Variants in PTGES3 observed in about 807,000 individuals in gnomAD.
PTGES3 encodes the protein Hsp90 co-chaperone.
PTGES3 carries 5 observed loss-of-function variants against 29.9 expected under a neutral mutation model. That is an observed-to-expected ratio of 0.17 (90% confidence interval 0.09 to 0.35). The LOEUF (loss-of-function observed/expected upper bound fraction) is 0.35. Among genes scored for constraint, PTGES3 ranks in the 10% least tolerant of loss-of-function variants. The probability of loss-of-function intolerance (pLI) is 1.00; values close to 1 mark genes in which losing one functional copy is unlikely to be tolerated. For synonymous variants in PTGES3, 49 were observed against 57.8 expected (o/e 0.85, Z 0.69); for missense variants, 128 against 190.0 (o/e 0.67, Z 1.92).
intron 5 of PTGES3, 104 bp from the exon 6 acceptor site, chr12:56,666,370 A>AAAAATGC (rs1951787311): frequency 7.4e-7 from 1 of 1,348,440 alleles, no homozygotes; most frequent in Non-Finnish European, 9.8e-7. Flanking sequence ...ACAGATATCA[A>AAAAATGC]AAAATGCAAA....
At chr12:56,676,537 A>G (rs1476637140) in intron 1 of PTGES3, among the ~76,000 whole-genome samples, 5 of 152,156 alleles carry the variant, frequency 3.3e-5, no homozygotes, top group Non-Finnish European at 7.3e-5. Flanking sequence ...GGGGATGTTA[A>G]AAGAAGAATG....
Position 56,684,296 on chromosome 12 carries a change from T to C in PTGES3, c.2+3702A>G, listed in dbSNP as rs755142217. Among the ~76,000 whole-genome samples, 55 of 152,298 alleles carry C rather than the reference T, an allele frequency of 3.6e-4. 1 individual carries two copies. The highest frequency in any genetic ancestry group is 3.4e-3 in the Middle Eastern group (1 of 294). ...ACACTGGCTTGCACTCAAGAAATTT[T>C]TCACTTCCAGTTTCTACTGCCTTCT... On this transcript the variant is annotated intron_variant, in intron 1 of 7. Transcript: ENST00000262033.
chr12:56,672,110 A>AT (rs1309093539), intron 3 of PTGES3, among the ~76,000 whole-genome samples: 1 of 152,012 alleles, frequency 6.6e-6, no homozygotes, highest in Non-Finnish European at 1.5e-5. Context: ...ACCTGGTACC[A>AT]TTTTTTTCTT....
At chr12:56,683,473 C>CAAAAAAAAAAAA (rs71081388) in intron 1 of PTGES3, among the ~76,000 whole-genome samples, 632 of 29,750 alleles carry the variant, frequency 0.021, 160 homozygotes, top group Non-Finnish European at 0.029. Context: ...AACTCTGTCT[C>CAAAAAAAAAAAA]AAAAAAAAAA....
chr12:56,685,387 A>G (rs967095074), intron 1 of PTGES3, among the ~76,000 whole-genome samples: 7 of 126,586 alleles, frequency 5.5e-5, no homozygotes, highest in Admixed American at 2.8e-4. Flanking sequence ...TGAAGGTAGC[A>G]TTTTTTCTTT....
Position 56,688,228 on chromosome 12 carries a change from A to G in PTGES3, c.-229T>C. 3 of 711,150 alleles carry G rather than the reference A, an allele frequency of 4.2e-6. No homozygotes were observed. Among genetic ancestry groups the G allele is most frequent in the Non-Finnish European group, 6.2e-6 (3 of 481,592 alleles). 44.1% of individuals were successfully genotyped at this position (711,150 alleles called of 1,614,324 possible). On this transcript the variant is annotated 5_prime_UTR_variant, in exon 1 of 8. Coordinates refer to ENST00000262033, the MANE Select transcript of PTGES3 (RefSeq NM_006601.7). ...GTCGGGGAGAAGAGGAAAGTGTAGG[A>G]AAAGGGGCGCGAGGACGGAGAATGA...
intron 5 of PTGES3, among the ~76,000 whole-genome samples, chr12:56,668,409 A>C (rs1163377267): frequency 6.6e-6 from 1 of 152,198 alleles, no homozygotes; most frequent in Non-Finnish European, 1.5e-5. Context: ...CTGGACAACA[A>C]AGATAGCAAA....
chr12:56,676,438 T>G (rs1033264297), intron 1 of PTGES3, among the ~76,000 whole-genome samples: 20 of 152,150 alleles, frequency 1.3e-4, no homozygotes, highest in Admixed American at 2.0e-4. Context: ...AATGGAGTCC[T>G]GAGAGTCTAA....
At chr12:56,665,668 G>A (rs1592237076) in intron 6 of PTGES3, 10 of 976,204 alleles carry the variant, frequency 1.0e-5, no homozygotes, top group Non-Finnish European at 1.1e-5. Context: ...TTGAGATGGA[G>A]CCTCGCTCTG....
At chr12:56,667,837 G>A (rs1241553485) in intron 5 of PTGES3, among the ~76,000 whole-genome samples, 2 of 152,244 alleles carry the variant, frequency 1.3e-5, no homozygotes, top group African/African-American at 4.8e-5. Flanking sequence ...GCCAGGTCTG[G>A]TGACTCATGC....
At chr12:56,681,419 T>C (rs996541193) in intron 1 of PTGES3, among the ~76,000 whole-genome samples, 2 of 149,004 alleles carry the variant, frequency 1.3e-5, no homozygotes, top group Admixed American at 1.4e-4. Flanking sequence ...GAGCCTGTAG[T>C]CCCAGCTACT....
chr12:56,684,621 C>T (rs758114006), intron 1 of PTGES3, among the ~76,000 whole-genome samples: 28 of 152,200 alleles, frequency 1.8e-4, no homozygotes, highest in Non-Finnish European at 3.4e-4. Flanking sequence ...AAAACAACAA[C>T]TTCCAACATC....
chr12:56,686,938 GGTTC>G (rs1345590235), intron 1 of PTGES3: 40 of 348,456 alleles, frequency 1.1e-4, no homozygotes, highest in African/African-American at 8.0e-4. Flanking sequence ...AGAAAAAAAA[GGTTC>G]CACCTTAATT....
At chr12:56,674,686 C>A (rs1952144020) in intron 1 of PTGES3, among the ~76,000 whole-genome samples, 1 of 151,508 alleles carries the variant, frequency 6.6e-6, no homozygotes, top group Non-Finnish European at 1.5e-5. Context: ...ATTAGCCAGG[C>A]ATGGTGGTAG....
chr12:56,682,960 C>G (rs1409722862), intron 1 of PTGES3, among the ~76,000 whole-genome samples: 1 of 151,600 alleles, frequency 6.6e-6, no homozygotes, highest in Non-Finnish European at 1.5e-5. Context: ...CGCCACTGCA[C>G]TGCAGTCTGG....
chr12:56,666,511 T>G (rs961850470), intron 5 of PTGES3, among the ~76,000 whole-genome samples: 1 of 152,236 alleles, frequency 6.6e-6, no homozygotes, highest in African/African-American at 2.4e-5. Context: ...TGCAACAGGT[T>G]TGACAAACAT....
chr12:56,674,549 G>A (rs141846082), intron 1 of PTGES3, among the ~76,000 whole-genome samples: 23 of 151,032 alleles, frequency 1.5e-4, no homozygotes, highest in African/African-American at 4.6e-4. Flanking sequence ...AAATTCAGGC[G>A]GGCACAGTGG....
chr12:56,687,116 G>A (rs756800739), intron 1 of PTGES3: 19 of 789,736 alleles, frequency 2.4e-5, no homozygotes, highest in South Asian at 1.3e-4. Context: ...CTTTATCATC[G>A]TAAAATGAAG....
chr12:56,676,258 G>C (rs1294101309), intron 1 of PTGES3, among the ~76,000 whole-genome samples: 2 of 147,550 alleles, frequency 1.4e-5, no homozygotes, highest in African/African-American at 5.0e-5. Context: ...GCCAAAATAG[G>C]ATTGGAACCC....
Sources: allele counts gnomAD v4.1 joint callset (sites outside exome capture counted in the v4.1 genomes callset), GRCh38; gene constraint gnomAD v4.1.1; transcripts MANE v1.5; gene names NCBI Gene and HGNC (gene_info 2026-07-23, HGNC 2026-07-21).